The following SDK1 variants were observed in gnomAD, a reference collection of about 807,000 sequenced individuals.
The protein encoded by SDK1 is protein sidekick-1.
SDK1 carries 157 observed loss-of-function variants against 245.5 expected under a neutral mutation model. The observed-to-expected ratio is 0.64, with a 90% confidence interval of 0.56 to 0.73. The LOEUF (loss-of-function observed/expected upper bound fraction) is 0.73, where lower values mean the gene tolerates loss of function less well. Among genes scored for constraint, SDK1 ranks in the 30% least tolerant of loss-of-function variants. The pLI, the probability that SDK1 is intolerant of heterozygous loss-of-function variation, is 0.00. For missense variants in SDK1, 3,583 were observed against 3,002.3 expected (o/e 1.19, Z -4.52); for synonymous variants, 1,647 against 1,278.5 (o/e 1.29, Z -6.15).
intron 19 of SDK1, among the ~76,000 whole-genome samples, chr7:4,052,100 G>A (rs1402057401): frequency 6.6e-6 from 1 of 151,998 alleles, no homozygotes; most frequent in Non-Finnish European, 1.5e-5. Context: ...TGTGGCCACA[G>A]CTTTGGTCTT....
chr7:4,155,154 C>A (rs1780644303), intron 30 of SDK1, among the ~76,000 whole-genome samples: 2 of 151,916 alleles, frequency 1.3e-5, no homozygotes, highest in African/African-American at 2.4e-5. Context: ...GGCTGCTGCT[C>A]CCATCGGCTG....
At chr7:3,586,241 A>T (rs1780684207) in intron 1 of SDK1, among the ~76,000 whole-genome samples, 1 of 152,058 alleles carries the variant, frequency 6.6e-6, no homozygotes, top group Non-Finnish European at 1.5e-5. Flanking sequence ...GTCATACAAA[A>T]TGGGCTAAGT....
chr7:4,268,675 C>A lies in SDK1; in HGVS notation c.*3291C>A, dbSNP rs754151443. On this transcript the variant is annotated 3_prime_UTR_variant, in exon 45 of 45. Transcript: ENST00000404826. ...TTATTTCTTACGCATTCTTGGCACA[C>A]AGTGTAGCTATCCTCCTGACGAGCA... 1.9e-5 allele frequency: 26 copies of A among 1,367,890 alleles called. No individual in the cohort carries two copies. The Admixed American group carries it at 4.9e-4, about 26-fold the overall frequency. 84.7% of individuals were successfully genotyped at this position (1,367,890 alleles called of 1,614,324 possible). A position where few individuals can be genotyped will look rare whatever the true frequency, so the allele number is the denominator to read the frequency against.
At chr7:3,486,717 T>G (rs1409272793) in intron 1 of SDK1, among the ~76,000 whole-genome samples, 1 of 152,180 alleles carries the variant, frequency 6.6e-6, no homozygotes, top group African/African-American at 2.4e-5. Context: ...TAGTAGATTT[T>G]TAGCCACGTT....
At chr7:3,960,520 T>A (rs1267344698) in intron 8 of SDK1, among the ~76,000 whole-genome samples, 1 of 152,110 alleles carries the variant, frequency 6.6e-6, no homozygotes, top group Non-Finnish European at 1.5e-5. Flanking sequence ...ACCCTTCCGG[T>A]GCAGCGGCGT....
intron 5 of SDK1, among the ~76,000 whole-genome samples, chr7:3,823,543 C>T (rs985725289): frequency 5.9e-5 from 9 of 152,218 alleles, no homozygotes; most frequent in Admixed American, 1.3e-4. Context: ...GCTGTACTAG[C>T]GTAATACCAT....
chr7:4,049,653 C>T (rs1169978494), intron 18 of SDK1, among the ~76,000 whole-genome samples, 190 bp downstream of exon 18: 2 of 152,162 alleles, frequency 1.3e-5, no homozygotes, highest in African/African-American at 4.8e-5. Flanking sequence ...AATTCAAATT[C>T]CTAGTTATCA....
intron 1 of SDK1, among the ~76,000 whole-genome samples, chr7:3,332,202 A>G (rs1780085435): frequency 1.3e-5 from 2 of 152,314 alleles, no homozygotes; most frequent in South Asian, 4.1e-4. Flanking sequence ...GAAAACTTTA[A>G]AAAATTTCTT....
chr7:3,539,429 C>T (rs757267654), intron 1 of SDK1, among the ~76,000 whole-genome samples: 3 of 152,034 alleles, frequency 2.0e-5, no homozygotes, highest in Non-Finnish European at 4.4e-5. Flanking sequence ...AAATGTTGGG[C>T]CTTTGCCTTT....
At chr7:4,250,301 A>G (rs1389772127) in intron 44 of SDK1, among the ~76,000 whole-genome samples, 1 of 151,952 alleles carries the variant, frequency 6.6e-6, no homozygotes, top group Non-Finnish European at 1.5e-5. Context: ...TTTATAGGAA[A>G]CAAACATGTT....
rs1434879252 is a variant in SDK1, at chr7:3,524,277, A to G, written c.299-94803A>G. ...AGATGACAAGCTATAGAGGATGCTGAGTCAAGGTGGAAACAACAAAATCCT... is the reference window on the plus strand; with the variant it reads ...AGATGACAAGCTATAGAGGATGCTGGGTCAAGGTGGAAACAACAAAATCCT... On this transcript the variant is annotated intron_variant, in intron 1 of 44. Coordinates refer to ENST00000404826, the MANE Select transcript of SDK1 (RefSeq NM_152744.4). Among the ~76,000 whole-genome samples the G allele has an allele frequency of 6.6e-5, 10 of 152,202 alleles. No individual in the cohort carries two copies. The South Asian group carries it at 2.1e-3, about 32-fold the overall frequency.
chr7:4,024,993 A>G (rs1787222278), intron 17 of SDK1, among the ~76,000 whole-genome samples: 1 of 148,338 alleles, frequency 6.7e-6, no homozygotes, highest in Non-Finnish European at 1.5e-5. Context: ...ACTGCGGTGC[A>G]CAATGAGAAC....
At chr7:3,501,573 C>A (rs1235437047) in intron 1 of SDK1, among the ~76,000 whole-genome samples, 1 of 152,082 alleles carries the variant, frequency 6.6e-6, no homozygotes, top group South Asian at 2.1e-4. Flanking sequence ...CAACAGAATT[C>A]TAAGTAGATG....
intron 4 of SDK1, among the ~76,000 whole-genome samples, chr7:3,713,445 A>G (rs1204045914): frequency 4.6e-5 from 7 of 152,032 alleles, no homozygotes; most frequent in Non-Finnish European, 1.0e-4. Context: ...ACTGCTACAC[A>G]TTTTCCCTTT....
intron 32 of SDK1, among the ~76,000 whole-genome samples, chr7:4,164,440 G>A (rs1010382954): frequency 2.6e-5 from 4 of 152,184 alleles, no homozygotes; most frequent in Non-Finnish European, 4.4e-5. Context: ...CTCCCGTGAG[G>A]GTCTCCGGTG....
chr7:3,777,007 C>T (rs939523434), intron 4 of SDK1, among the ~76,000 whole-genome samples: 2 of 152,186 alleles, frequency 1.3e-5, no homozygotes, highest in African/African-American at 4.8e-5. Flanking sequence ...GTTCACCTCT[C>T]TTCTGCCCCA....
chr7:3,881,423 C>T (rs771438171), intron 5 of SDK1, among the ~76,000 whole-genome samples: 5 of 152,192 alleles, frequency 3.3e-5, no homozygotes, highest in Non-Finnish European at 5.9e-5. Flanking sequence ...TCCCTGCAAA[C>T]GACAAGATTT....
chr7:3,923,327 G>A (rs1232000027), intron 5 of SDK1, among the ~76,000 whole-genome samples: 1 of 151,138 alleles, frequency 6.6e-6, no homozygotes, highest in Non-Finnish European at 1.5e-5. Flanking sequence ...CTTTTATTTT[G>A]CCACATTAAT....
At chr7:3,703,670 G>C (rs1784805054) in intron 4 of SDK1, among the ~76,000 whole-genome samples, 1 of 152,100 alleles carries the variant, frequency 6.6e-6, no homozygotes, top group Non-Finnish European at 1.5e-5. Context: ...AGGGTAAAGG[G>C]CGCCTGATTT....
Sources: gnomAD v4.1 joint callset for allele counts (sites outside exome capture counted in the v4.1 genomes callset) on GRCh38, gnomAD v4.1.1 for gene constraint, MANE v1.5 for transcripts, NCBI Gene and HGNC (gene_info 2026-07-23, HGNC 2026-07-21) for gene names.